Variants in ACTL8 observed in about 807,000 individuals in gnomAD.
ACTL8 encodes the protein actin like 8, also known as actin-like protein 8.
A neutral mutation model predicts 9.3 loss-of-function variants in ACTL8; 3 were observed. That is an observed-to-expected ratio of 0.32 (90% CI 0.15 to 0.83). ACTL8 has a LOEUF of 0.83. ACTL8 is among the 40% of genes least tolerant of loss of function. The pLI is 0.57. For synonymous variants in ACTL8, 224 were observed against 205.9 expected (o/e 1.09, Z -0.75); for missense variants, 381 against 492.2 (o/e 0.77, Z 2.14).
At chr1:17,774,209 G>A (rs115302506) in intron 1 of ACTL8, among the ~76,000 whole-genome samples, 2,937 of 152,262 alleles carry the variant, frequency 0.019, 82 homozygotes, top group African/African-American at 0.067. Context: ...TTCTGTGACC[G>A]AGGACTCGGC....
At chr1:17,798,509 G>A (rs929600017) in intron 1 of ACTL8, among the ~76,000 whole-genome samples, 1 of 152,124 alleles carries the variant, frequency 6.6e-6, no homozygotes, top group Non-Finnish European at 1.5e-5. Flanking sequence ...GGGAGAGGGA[G>A]TTGGTGGAGG....
At chr1:17,773,479 C>G (rs536359438) in intron 1 of ACTL8, among the ~76,000 whole-genome samples, 7 of 152,330 alleles carry the variant, frequency 4.6e-5, no homozygotes, top group African/African-American at 1.7e-4. Context: ...TCTAAAATAG[C>G]CAAATACAGT....
intron 1 of ACTL8, among the ~76,000 whole-genome samples, chr1:17,792,303 G>A (rs2066245230): frequency 6.6e-6 from 1 of 152,218 alleles, no homozygotes; most frequent in African/African-American, 2.4e-5. Flanking sequence ...GGGAAACTGA[G>A]GCTTGGAGTT....
At chr1:17,794,682 G>T (rs1444709789) in intron 1 of ACTL8, among the ~76,000 whole-genome samples, 1 of 152,144 alleles carries the variant, frequency 6.6e-6, no homozygotes, top group Admixed American at 6.6e-5. Flanking sequence ...ACTGTATGAA[G>T]TTGTATTAAC....
At chr1:17,774,108 C>A (rs781208770) in intron 1 of ACTL8, among the ~76,000 whole-genome samples, 1 of 152,180 alleles carries the variant, frequency 6.6e-6, no homozygotes, top group Non-Finnish European at 1.5e-5. Flanking sequence ...CTGTCTCACA[C>A]TTGAGGACTG....
intron 1 of ACTL8, among the ~76,000 whole-genome samples, chr1:17,785,932 C>G (rs1458795444): frequency 6.6e-6 from 1 of 152,162 alleles, no homozygotes; most frequent in Non-Finnish European, 1.5e-5. Flanking sequence ...GTGTTCTCAT[C>G]TAGAGGCTGG....
At chr1:17,804,256 T>C (rs2066342650) in intron 1 of ACTL8, among the ~76,000 whole-genome samples, 1 of 152,164 alleles carries the variant, frequency 6.6e-6, no homozygotes, top group African/African-American at 2.4e-5. Flanking sequence ...ACCCACCAGC[T>C]GAACACGAGC....
intron 1 of ACTL8, among the ~76,000 whole-genome samples, chr1:17,801,061 A>G (rs923760807): frequency 6.6e-6 from 1 of 152,250 alleles, no homozygotes; most frequent in Non-Finnish European, 1.5e-5. Context: ...TTGCCAATCT[A>G]TTAAAATAAT....
chr1:17,775,235 A>G (rs189464629), intron 1 of ACTL8, among the ~76,000 whole-genome samples: 1 of 152,296 alleles, frequency 6.6e-6, no homozygotes, highest in African/African-American at 2.4e-5. Flanking sequence ...GGCTGATGTC[A>G]GCCAGTACGT....
chr1:17,813,520 GGCTTGCCAAAATCTTATTAAAGAATA>G (rs2066406794), intron 1 of ACTL8, among the ~76,000 whole-genome samples: 1 of 152,028 alleles, frequency 6.6e-6, no homozygotes, highest in African/African-American at 2.4e-5. Flanking sequence ...TATATTACTG[GGCTTGCCAAAATCTTATTAAAGAATA>G]ATATATCTTC....
chr1:17,814,892 T>C (rs1164917962), intron 1 of ACTL8, among the ~76,000 whole-genome samples: 1 of 152,176 alleles, frequency 6.6e-6, no homozygotes, highest in African/African-American at 2.4e-5. Context: ...TTGCCTACAG[T>C]ATTTAGTACA....
chr1:17,761,046 C>T (rs1175084992), intron 1 of ACTL8, among the ~76,000 whole-genome samples: 1 of 151,796 alleles, frequency 6.6e-6, no homozygotes. Context: ...AGAATGTGGC[C>T]AGACTGGTGG....
chr1:17,817,672 T>G (rs145044539), intron 1 of ACTL8, among the ~76,000 whole-genome samples: 111 of 151,306 alleles, frequency 7.3e-4, no homozygotes, highest in African/African-American at 2.4e-3. Flanking sequence ...CATGACCACT[T>G]CCATCCCAAC....
intron 1 of ACTL8, among the ~76,000 whole-genome samples, chr1:17,784,643 T>C (rs962336069): frequency 2.6e-5 from 4 of 152,204 alleles, no homozygotes; most frequent in African/African-American, 9.7e-5. Context: ...CTATGCTGGG[T>C]ACCATGAGGT....
At chr1:17,781,920 AG>A (rs930233959) in intron 1 of ACTL8, among the ~76,000 whole-genome samples, 1 of 152,204 alleles carries the variant, frequency 6.6e-6, no homozygotes, top group Non-Finnish European at 1.5e-5. Flanking sequence ...CACAGAAAGA[AG>A]GGGAATGTGG....
At chr1:17,777,588 A>G (rs2066126747) in intron 1 of ACTL8, among the ~76,000 whole-genome samples, 1 of 152,200 alleles carries the variant, frequency 6.6e-6, no homozygotes, top group African/African-American at 2.4e-5. Flanking sequence ...GAGCCATTCC[A>G]GGCTGTGCTT....
intron 1 of ACTL8, among the ~76,000 whole-genome samples, chr1:17,778,185 C>T (rs1186643696): frequency 1.3e-5 from 2 of 152,192 alleles, no homozygotes; most frequent in African/African-American, 2.4e-5. Context: ...TTGGCCCCTG[C>T]ATTGGGGTAG....
intron 1 of ACTL8, among the ~76,000 whole-genome samples, chr1:17,807,758 A>G (rs2066368585): frequency 1.3e-5 from 2 of 150,590 alleles, no homozygotes; most frequent in Admixed American, 6.6e-5. Flanking sequence ...AAAACCAAAC[A>G]CCACACGTTC....
intron 1 of ACTL8, among the ~76,000 whole-genome samples, chr1:17,800,797 G>A (rs1429026155): frequency 6.6e-6 from 1 of 151,744 alleles, no homozygotes. Context: ...GTTTTGATAT[G>A]TTGGCCAGGC....
Sources: gnomAD v4.1 joint callset for allele counts (sites outside exome capture counted in the v4.1 genomes callset) on GRCh38, gnomAD v4.1.1 for gene constraint, MANE v1.5 for transcripts, NCBI Gene and HGNC (gene_info 2026-07-23, HGNC 2026-07-21) for gene names.